Variants in DNAH11 observed in about 807,000 individuals in gnomAD.
DNAH11 encodes dynein axonemal heavy chain 11, also known as axonemal beta dynein heavy chain 11.
A neutral mutation model predicts 526.0 loss-of-function variants in DNAH11; 442 were observed. The observed-to-expected ratio is 0.84, with a 90% CI of 0.78 to 0.91. The LOEUF is 0.91. Ranked by LOEUF, DNAH11 falls within the 40% of genes least tolerant of loss-of-function variation. The probability of loss-of-function intolerance (pLI) is 0.00; values close to 1 mark genes in which losing one functional copy is unlikely to be tolerated. For synonymous variants in DNAH11, 2,461 were observed against 1,935.9 expected, an observed-to-expected ratio of 1.27 and a Z score of -7.12; for missense variants, 6,989 against 5,448.7, an observed-to-expected ratio of 1.28 and a Z score of -8.90.
At chr7:21,753,748 C>T (rs1005823783) in intron 54 of DNAH11, among the ~76,000 whole-genome samples, 3 of 152,074 alleles carry the variant, frequency 2.0e-5, no homozygotes, top group Non-Finnish European at 2.9e-5. Context: ...ATTTTCATTT[C>T]CAATTGCTCT....
intron 65 of DNAH11, among the ~76,000 whole-genome samples, chr7:21,827,937 A>AT (rs528118829): frequency 4.0e-4 from 60 of 149,198 alleles, no homozygotes; most frequent in Non-Finnish European, 6.7e-4. Flanking sequence ...AAGCTTACGG[A>AT]TTTTTTTTTT....
chr7:21,784,632 A>G, intron 58 of DNAH11, 92 bp downstream of exon 58: 1 of 827,206 alleles, frequency 1.2e-6, no homozygotes. Context: ...GTAGCCCATT[A>G]CAGCCAAAAA....
At chr7:21,821,499 T>C (rs1383422423) in intron 65 of DNAH11, among the ~76,000 whole-genome samples, 2 of 152,302 alleles carry the variant, frequency 1.3e-5, no homozygotes, top group Middle Eastern at 3.4e-3. Context: ...ATTAACGTCC[T>C]CTTGCATACC....
At chr7:21,747,267 T>C (rs1431164599) in intron 51 of DNAH11, among the ~76,000 whole-genome samples, 3 of 152,230 alleles carry the variant, frequency 2.0e-5, no homozygotes, top group Admixed American at 6.5e-5. Flanking sequence ...ATGACTGAGC[T>C]TGTAAAAATA....
intron 22 of DNAH11, 50 bp from the exon 23 acceptor site, chr7:21,617,569 A>G (rs779816678): frequency 1.1e-5 from 17 of 1,595,256 alleles, no homozygotes; most frequent in African/African-American, 8.1e-5. Context: ...TTATTAATAT[A>G]TACTGTGTTA....
intron 76 of DNAH11, among the ~76,000 whole-genome samples, chr7:21,888,043 A>G (rs1784192452): frequency 6.6e-6 from 1 of 152,214 alleles, no homozygotes; most frequent in Non-Finnish European, 1.5e-5. Context: ...CAACACGGGC[A>G]ATACGGGAGA....
chr7:21,547,097 AAATT>A (rs1173951606), intron 2 of DNAH11, among the ~76,000 whole-genome samples: 1 of 152,236 alleles, frequency 6.6e-6, no homozygotes, highest in Non-Finnish European at 1.5e-5. Context: ...ACAAAACCTC[AAATT>A]AATTGACTTA....
intron 54 of DNAH11, among the ~76,000 whole-genome samples, chr7:21,760,822 C>T (rs1786866335): frequency 6.6e-6 from 1 of 151,246 alleles, no homozygotes; most frequent in African/African-American, 2.4e-5. Flanking sequence ...TCTGTGTAGC[C>T]CTTATTGGTG....
intron 79 of DNAH11, among the ~76,000 whole-genome samples, chr7:21,897,316 T>C (rs1056319717): frequency 8.5e-5 from 13 of 152,116 alleles, no homozygotes; most frequent in Non-Finnish European, 1.6e-4. Context: ...TATACTCTTA[T>C]GTCTATACCT....
At chr7:21,697,975 G>T in intron 35 of DNAH11, 100 bp from the exon 36 acceptor site, 1 of 1,235,394 alleles carries the variant, frequency 8.1e-7, no homozygotes. Context: ...ATCTGCTTAG[G>T]AATGGTTAAA....
chr7:21,878,557 G>A (rs553163473), intron 74 of DNAH11, among the ~76,000 whole-genome samples: 1 of 152,130 alleles, frequency 6.6e-6, no homozygotes, highest in South Asian at 2.1e-4. Flanking sequence ...CCCTTTATTT[G>A]TGGAAAAGTT....
intron 39 of DNAH11, among the ~76,000 whole-genome samples, chr7:21,706,924 T>C (rs1289412757): frequency 1.3e-5 from 2 of 152,232 alleles, no homozygotes; most frequent in Non-Finnish European, 2.9e-5. Context: ...AGACATACAC[T>C]GAGCACCTGT....
intron 65 of DNAH11, among the ~76,000 whole-genome samples, chr7:21,821,661 G>A (rs180987007): frequency 6.6e-6 from 1 of 152,172 alleles, no homozygotes; most frequent in East Asian, 1.9e-4. Context: ...GATCAAGTCA[G>A]GATGACTGGG....
intron 45 of DNAH11, among the ~76,000 whole-genome samples, chr7:21,731,880 A>G (rs551222544): frequency 6.6e-6 from 1 of 152,312 alleles, no homozygotes; most frequent in South Asian, 2.1e-4. Flanking sequence ...TTTACATAAT[A>G]ATGACCCCAA....
At chr7:21,568,774 C>G (rs1293312553) in intron 6 of DNAH11, among the ~76,000 whole-genome samples, 1 of 152,124 alleles carries the variant, frequency 6.6e-6, no homozygotes, top group African/African-American at 2.4e-5. Context: ...AAGGGCCACT[C>G]GAGCAAAAGA....
intron 51 of DNAH11, among the ~76,000 whole-genome samples, chr7:21,745,992 A>G (rs1424707919): frequency 6.6e-6 from 1 of 152,262 alleles, no homozygotes; most frequent in Non-Finnish European, 1.5e-5. Flanking sequence ...AGAGAAAAAT[A>G]TAACAAAAAT....
chr7:21,622,390 C>T (rs1249894107), intron 25 of DNAH11, among the ~76,000 whole-genome samples: 7 of 152,190 alleles, frequency 4.6e-5, no homozygotes, highest in Non-Finnish European at 7.3e-5. Context: ...AATGGCCATA[C>T]TGCCCAAAGT....
intron 9 of DNAH11, among the ~76,000 whole-genome samples, chr7:21,587,806 G>A (rs1227167161): frequency 1.3e-5 from 2 of 152,120 alleles, no homozygotes; most frequent in Non-Finnish European, 2.9e-5. Context: ...AATAATATTA[G>A]CTGTGAACGG....
intron 27 of DNAH11, among the ~76,000 whole-genome samples, chr7:21,638,310 CAG>C (rs1277853098): frequency 4.6e-5 from 7 of 152,080 alleles, no homozygotes; most frequent in Admixed American, 4.6e-4. Context: ...ATTACATAAA[CAG>C]AGCAGTTTTA....
Sources: allele counts gnomAD v4.1 joint callset (sites outside exome capture counted in the v4.1 genomes callset), GRCh38; gene constraint gnomAD v4.1.1; transcripts MANE v1.5; gene names NCBI Gene and HGNC (gene_info 2026-07-23, HGNC 2026-07-21).